The following AHNAK variants were observed in gnomAD, a reference collection of about 807,000 sequenced individuals.
The protein encoded by AHNAK is neuroblast differentiation-associated protein AHNAK.
Under a neutral mutation model 37.8 loss-of-function variants are expected in AHNAK, and 23 were observed. The ratio of observed to expected loss-of-function variants is 0.61; its 90% CI spans 0.44 to 0.86. The LOEUF (loss-of-function observed/expected upper bound fraction) is 0.86. AHNAK is among the 40% of genes least tolerant of loss of function. The pLI is 0.00. For missense variants in AHNAK, 7,411 were observed against 7,319.4 expected (o/e 1.01, Z -0.46); for synonymous variants, 2,481 against 2,636.3 (o/e 0.94, Z 1.80).
At chr11:62,473,084 CAAAAAAAAAAAAAAAAAA>C (rs71056522) in intron 5 of AHNAK, among the ~76,000 whole-genome samples, 7 of 17,294 alleles carry the variant, frequency 4.0e-4, no homozygotes, top group African/African-American at 1.9e-3. Flanking sequence ...GACTCCATCT[CAAAAAAAAAAAAAAAAAA>C]AAAAAAAAAA....
chr11:62,492,119 C>T (rs148980260), intron 4 of AHNAK, among the ~76,000 whole-genome samples: 74 of 152,230 alleles, frequency 4.9e-4, no homozygotes, highest in African/African-American at 1.7e-3. Flanking sequence ...CCGGTTCATC[C>T]ACCCACCAGA....
At chr11:62,435,708 C>T (rs554386594) in intron 5 of AHNAK, among the ~76,000 whole-genome samples, 3 of 152,206 alleles carry the variant, frequency 2.0e-5, no homozygotes, top group African/African-American at 7.2e-5. Context: ...CCACCGCACC[C>T]GGCCTATTTA....
chr11:62,519,087 G>A lies in AHNAK; in HGVS notation c.15330C>T (p.Ser5110=), dbSNP rs1359061850. ...PKFKAEAPLP[S]PKLEGELQAP... is the part of the protein sequence containing the mutation. ...CCTGGAGTTCACCCTCCAGTTTGGG[G>A]CTAGGGAGAGGGGCCTCAGCTTTAA... is the stretch of plus-strand genomic sequence containing the variant. Residue 5110 remains serine (S), a synonymous_variant, in exon 5 of 5, where the codon AGC becomes AGT. Coordinates refer to ENST00000378024, the MANE Select transcript of AHNAK (RefSeq NM_001620.3). The A allele has an allele frequency of 6.2e-7, 1 of 1,613,690 alleles. No homozygotes were observed. Among genetic ancestry groups the A allele is most frequent in the Admixed American group, 1.7e-5 (1 of 59,936 alleles).
At position 62,535,019 on chromosome 11, in the gene AHNAK, C is replaced by G; in HGVS notation, c.326G>C (p.Ser109Thr). The change falls in exon 4 of 5, where the codon AGC (serine) becomes ACC (threonine). Residue 109 changes from serine (S) to threonine (T), a missense_variant. Transcript: ENST00000378024. ...GGTACTCACCAGAACCACTTCAGAG[C>G]TGCAGGAGCTGAAGACTTCACGGGT... ...TWTREVFSSCSSEVVLSGDDE... is the reference protein window; with the variant it reads ...TWTREVFSSCTSEVVLSGDDE... 1 of 1,611,204 alleles carries G rather than the reference C, an allele frequency of 6.2e-7. No individual in the cohort carries two copies. Among genetic ancestry groups the G allele is most frequent in the Non-Finnish European group, 8.5e-7 (1 of 1,177,954 alleles).
Position 62,526,744 on chromosome 11 carries a change from G to C in AHNAK, c.7673C>G (p.Pro2558Arg). Residue 2558 changes from proline to arginine, a missense_variant, in exon 5 of 5, where the codon CCA becomes CGA. Coordinates refer to ENST00000378024, the MANE Select transcript of AHNAK (RefSeq NM_001620.3). ...IEGPDVNIEG[P>R]EGKLKGPKLK... ...CTTAGGCCCTTTCAACTTTCCCTCT[G>C]GTCCTTCAATATTAACATCAGGGCC... 13 of 1,613,692 alleles carry C rather than the reference G, an allele frequency of 8.1e-6. No homozygotes were observed. The highest frequency in any genetic ancestry group is 1.1e-5 in the Non-Finnish European group (13 of 1,179,944).
In AHNAK at chr11:62,528,985, C is replaced by T. The variant is rs1329544149; in HGVS notation, c.5432G>A (p.Arg1811Lys). 1.2e-6 allele frequency: 2 copies of T among 1,614,164 alleles called. No homozygotes were observed. Among genetic ancestry groups the T allele is most frequent in the Non-Finnish European group, 1.7e-6 (2 of 1,180,030 alleles). ...ASVPELEGDL[R>K]GPQVDVKGPF... Reference sequence around the variant, plus strand: ...ACCTTTGACATCAACTTGCGGCCCTCTGAGATCACCTTCCAGTTCTGGCAC... The same window carrying T: ...ACCTTTGACATCAACTTGCGGCCCTTTGAGATCACCTTCCAGTTCTGGCAC... The change falls in exon 5 of 5, where the codon AGA becomes AAA. Residue 1811 changes from arginine to lysine, a missense_variant. Physicochemically the swap from Arg to Lys is conservative, Grantham distance 26. Transcript: ENST00000378024.
intron 4 of AHNAK, among the ~76,000 whole-genome samples, chr11:62,504,524 G>C (rs1295031392): frequency 6.6e-6 from 1 of 152,116 alleles, no homozygotes; most frequent in Non-Finnish European, 1.5e-5. Flanking sequence ...CTTACAAATA[G>C]AAAATGCCCT....
chr11:62,460,974 C>T (rs1938769978), intron 5 of AHNAK, among the ~76,000 whole-genome samples: 1 of 148,670 alleles, frequency 6.7e-6, no homozygotes, highest in Non-Finnish European at 1.5e-5. Flanking sequence ...GCGCCTGCCA[C>T]CAGGCCTGGC....
chr11:62,533,736 C>T lies in AHNAK; in HGVS notation c.681G>A (p.Gly227=). ...GCTCTGGTCCTGAAGCAGAAATGGC[C>T]CCTGCTCGGATATCCACAGCAGAGC... ...PTGSAVDIRA[G]AISASGPELQ... The change falls in exon 5 of 5, where the codon GGG becomes GGA. Residue 227 remains glycine, a synonymous_variant. Transcript: ENST00000378024. 1 of 1,614,172 alleles carries T rather than the reference C, an allele frequency of 6.2e-7. No individual in the cohort carries two copies. Among genetic ancestry groups the T allele is most frequent in the South Asian group, 1.1e-5 (1 of 91,084 alleles).
rs1336120520 is a variant in AHNAK at position 62,525,002 on chromosome 11, C to T, written c.9415G>A (p.Val3139Met). 4.3e-6 allele frequency: 7 copies of T among 1,613,570 alleles called. No individual in the cohort carries two copies. The highest frequency in any genetic ancestry group is 5.9e-6 in the Non-Finnish European group (7 of 1,179,906). ...GPKVDINAPDVDVQGPDWHLK... is the reference protein window; with the variant it reads ...GPKVDINAPDMDVQGPDWHLK... ...TGCCAGTCTGGGCCTTGAACATCCA[C>T]ATCTGGGGCATTAATATCCACTTTG... Residue 3139 changes from valine to methionine, a missense_variant, in exon 5 of 5, where the codon GTG becomes ATG. Val to Met is a conservative substitution (Grantham distance 21, BLOSUM62 1). Coordinates refer to ENST00000378024, the MANE Select transcript of AHNAK (RefSeq NM_001620.3).
Position 62,521,050 on chromosome 11 carries a change from G to A in AHNAK, c.13367C>T (p.Ala4456Val), listed in dbSNP as rs1159180489. The A allele has an allele frequency of 1.9e-6, 3 of 1,614,010 alleles. No homozygotes were observed. In the East Asian group the frequency reaches 6.7e-5, roughly 36 times the overall value. Residue 4456 changes from alanine (A) to valine (V), a missense_variant, in exon 5 of 5, where the codon GCT (alanine) becomes GTT (valine). By Grantham distance (64) the Ala-to-Val change is moderately conservative. Transcript: ENST00000378024. ...AAAGTCAGGCATAGAGATTTTGGGA[G>A]CTTTGATGTTCATCTCAGGCATCTT... The part of the protein sequence containing the change: ...KFKMPEMNIK[A>V]PKISMPDFDL...
At chr11:62,476,388 G>A (rs553818913) in intron 5 of AHNAK, among the ~76,000 whole-genome samples, 39 of 152,240 alleles carry the variant, frequency 2.6e-4, no homozygotes, top group Non-Finnish European at 5.0e-4. Flanking sequence ...GCAAGACTCC[G>A]TCTCAAAAAA....
At chr11:62,460,234 C>T (rs1343178349) in intron 5 of AHNAK, among the ~76,000 whole-genome samples, 3 of 152,124 alleles carry the variant, frequency 2.0e-5, no homozygotes, top group Non-Finnish European at 4.4e-5. Context: ...TTGCAGTGAG[C>T]CAAGATCACA....
At chr11:62,482,947 G>A (rs1397029542) in intron 5 of AHNAK, among the ~76,000 whole-genome samples, 1 of 152,042 alleles carries the variant, frequency 6.6e-6, no homozygotes, top group Non-Finnish European at 1.5e-5. Flanking sequence ...GGCCTAGGAG[G>A]AAAAAGACAG....
chr11:62,513,637 G>A (rs1027609397), downstream of AHNAK, among the ~76,000 whole-genome samples: 4 of 152,120 alleles, frequency 2.6e-5, no homozygotes, highest in Non-Finnish European at 4.4e-5. Flanking sequence ...GAGGGAGCTG[G>A]GGTGCGCCCT....
chr11:62,508,498 C>T (rs893760469), intron 4 of AHNAK, among the ~76,000 whole-genome samples: 1 of 152,218 alleles, frequency 6.6e-6, no homozygotes, highest in Admixed American at 6.5e-5. Context: ...AAAGAGAAGG[C>T]CTTTTCATTC....
rs562421370 is a variant in AHNAK at position 62,485,046 on chromosome 11, C to T, written c.442+6686G>A. Among the ~76,000 whole-genome samples the T allele has an allele frequency of 4.6e-5, 7 of 152,286 alleles. No homozygotes were observed. The East Asian group carries it at 1.4e-3, about 30-fold the overall frequency. On this transcript the variant is annotated intron_variant, in intron 5 of 5. Transcript: ENST00000257247. ...TCAGGTGATCTGCCTGCCTCGGCCT[C>T]CCAAAGTGCTGGGATTACAGGCGTG...
chr11:62,454,914 T>C (rs1043678310), intron 5 of AHNAK, among the ~76,000 whole-genome samples: 1 of 135,614 alleles, frequency 7.4e-6, no homozygotes, highest in Non-Finnish European at 1.5e-5. Context: ...AGATTTGCAT[T>C]TCTTTTTATT....
rs528863246 is a variant in AHNAK at position 62,537,844 on chromosome 11, G to A, written c.-99-1277C>T. 3.9e-4 allele frequency among the ~76,000 whole-genome samples: 59 copies of A among 152,010 alleles called. No homozygotes were observed. In the East Asian group the frequency reaches 9.0e-3, roughly 23 times the overall value. ...ATTACAGGCGCCCGCCACCATGCCC[G>A]GCTAATTTTTTGTATTTTTAGTAGA... On this transcript the variant is annotated intron_variant, in intron 1 of 4. Transcript: ENST00000378024.
Sources: gnomAD v4.1 joint callset for allele counts (sites outside exome capture counted in the v4.1 genomes callset) on GRCh38, gnomAD v4.1.1 for gene constraint, MANE v1.5 for transcripts, NCBI Gene and HGNC (gene_info 2026-07-23, HGNC 2026-07-21) for gene names.